The following DPP8 variants were observed in gnomAD, a reference collection of about 807,000 sequenced individuals.
The protein encoded by DPP8 is DPP VIII.
In DPP8, 31 loss-of-function variants were observed where a neutral mutation model predicts 107.5. The ratio of observed to expected loss-of-function variants is 0.29; its 90% CI spans 0.22 to 0.39. DPP8 has a LOEUF of 0.39. Among genes scored for constraint, DPP8 ranks in the 10% least tolerant of loss-of-function variants. The pLI is 1.00. For missense variants in DPP8, 842 were observed against 1,076.1 expected (o/e 0.78, Z 3.04); for synonymous variants, 381 against 356.6 (o/e 1.07, Z -0.77).
intron 12 of DPP8, among the ~76,000 whole-genome samples, chr15:65,471,370 C>T (rs375541526): frequency 6.6e-6 from 1 of 152,024 alleles, no homozygotes; most frequent in African/African-American, 2.4e-5. Flanking sequence ...TGTTTTGAGG[C>T]GGGTATCATT....
intron 1 of DPP8, among the ~76,000 whole-genome samples, chr15:65,515,466 T>C (rs1284426901): frequency 6.6e-6 from 1 of 152,170 alleles, no homozygotes; most frequent in Non-Finnish European, 1.5e-5. Flanking sequence ...TTATATAATA[T>C]TGGTAATCTG....
chr15:65,501,378 A>G (rs1323114194), intron 3 of DPP8, among the ~76,000 whole-genome samples: 2 of 152,230 alleles, frequency 1.3e-5, no homozygotes, highest in Non-Finnish European at 2.9e-5. Context: ...AAGACTTTCT[A>G]CAACTTAACT....
At chr15:65,493,229 G>A (rs1049328148) in intron 5 of DPP8, among the ~76,000 whole-genome samples, 1 of 151,966 alleles carries the variant, frequency 6.6e-6, no homozygotes, top group Non-Finnish European at 1.5e-5. Context: ...GATTACAGGC[G>A]TGTGCCACCA....
intron 19 of DPP8, 115 bp from the exon 20 acceptor site, chr15:65,447,121 A>G: frequency 1.4e-6 from 1 of 699,616 alleles, no homozygotes; most frequent in Non-Finnish European, 2.2e-6. Flanking sequence ...CACAGCCTCT[A>G]TGCAATATTG....
At chr15:65,483,762 A>G (rs1359544048) in intron 8 of DPP8, among the ~76,000 whole-genome samples, 2 of 152,174 alleles carry the variant, frequency 1.3e-5, no homozygotes, top group African/African-American at 4.8e-5. Context: ...ATAAGCCCAC[A>G]CAAAAACTTG....
Position 65,449,773 on chromosome 15 carries a change from A to G in DPP8, c.2526+1226T>C, listed in dbSNP as rs574310354. Among the ~76,000 whole-genome samples the G allele has an allele frequency of 1.4e-3, 214 of 152,286 alleles. 3 individuals are homozygous for G. The South Asian group carries it at 0.024, about 17-fold the overall frequency. On this transcript the variant is annotated intron_variant, in intron 19 of 19. Transcript: ENST00000300141. ...CTTCACATACTTTAGTCGAAACAAC[A>G]TATCACAACAGACTGAGTACAGAAA... is the stretch of plus-strand genomic sequence containing the variant.
chr15:65,498,093 C>G lies in DPP8; in HGVS notation c.547-61G>C, dbSNP rs971201114. On this transcript the variant is annotated intron_variant, in intron 4 of 19. Coordinates refer to ENST00000300141, the MANE Select transcript of DPP8 (RefSeq NM_130434.5). ...GGCTGACACATACATGTTCCAGCAC[C>G]CTTCCTATAAGATGAACAATATTTC... is the stretch of plus-strand genomic sequence containing the variant. The G allele has an allele frequency of 5.7e-6, 7 of 1,232,384 alleles. No individual in the cohort carries two copies. In the South Asian group the frequency reaches 9.5e-5, roughly 17 times the overall value. 76.3% of individuals were successfully genotyped at this position (1,232,384 alleles called of 1,614,324 possible).
chr15:65,475,666 GA>G, intron 11 of DPP8: 1 of 677,172 alleles, frequency 1.5e-6, no homozygotes, highest in Non-Finnish European at 2.5e-6. Context: ...ACTCACAAAA[GA>G]AAATGTTTAA....
intron 13 of DPP8, 32 bp from the exon 14 acceptor site, chr15:65,466,845 T>A (rs2065402287): frequency 6.2e-7 from 1 of 1,601,122 alleles, no homozygotes; most frequent in African/African-American, 1.3e-5. Flanking sequence ...ATATTTTTCG[T>A]CAGGAAGGTA....
chr15:65,452,907 G>A (rs1329008123), intron 17 of DPP8, among the ~76,000 whole-genome samples: 2 of 152,112 alleles, frequency 1.3e-5, no homozygotes, highest in South Asian at 4.1e-4. Context: ...GAGAGGCGGA[G>A]GTTGCAGTGA....
intron 5 of DPP8, among the ~76,000 whole-genome samples, chr15:65,497,400 A>G (rs951896833): frequency 4.6e-5 from 7 of 152,020 alleles, no homozygotes; most frequent in Admixed American, 2.0e-4. Context: ...GGGACTACAC[A>G]TGCCACTACG....
At chr15:65,464,384 A>T (rs561711530) in intron 14 of DPP8, among the ~76,000 whole-genome samples, 34 of 150,894 alleles carry the variant, frequency 2.3e-4, no homozygotes, top group African/African-American at 3.2e-4. Flanking sequence ...TAAATAATTT[A>T]AAAAAAACAA....
chr15:65,447,103 A>G (rs530114190), intron 19 of DPP8, 97 bp from the exon 20 acceptor site: 2 of 909,804 alleles, frequency 2.2e-6, no homozygotes, highest in South Asian at 1.8e-5. Context: ...AGGATTAATA[A>G]TACGAAGCAC....
intron 17 of DPP8, among the ~76,000 whole-genome samples, chr15:65,452,946 G>A (rs971474838): frequency 1.3e-5 from 2 of 152,006 alleles, no homozygotes; most frequent in African/African-American, 4.8e-5. Flanking sequence ...ATTCCAGCCT[G>A]GGTGACAGCA....
chr15:65,456,430 G>C, intron 15 of DPP8, 59 bp from the exon 16 acceptor site: 19 of 1,493,290 alleles, frequency 1.3e-5, no homozygotes, highest in Non-Finnish European at 1.7e-5. Flanking sequence ...CCCAAGAGCG[G>C]CTGGGCATTG....
chr15:65,455,445 T>C (rs970475546), intron 16 of DPP8: 3 of 203,102 alleles, frequency 1.5e-5, no homozygotes. Flanking sequence ...ACTTCTCCTT[T>C]TTAATTTTTA....
intron 5 of DPP8, among the ~76,000 whole-genome samples, chr15:65,491,258 T>C (rs375679174): frequency 6.6e-6 from 1 of 152,070 alleles, no homozygotes; most frequent in Non-Finnish European, 1.5e-5. Context: ...ATTTATACTG[T>C]GATTCCATTT....
At chr15:65,503,485 A>C (rs2069505522) in intron 3 of DPP8, among the ~76,000 whole-genome samples, 1 of 149,984 alleles carries the variant, frequency 6.7e-6, no homozygotes, top group Non-Finnish European at 1.5e-5. Context: ...TGGTCACCCT[A>C]GCTGGAGTGC....
intron 1 of DPP8, chr15:65,515,833 T>G: frequency 1.3e-6 from 1 of 756,860 alleles, no homozygotes; most frequent in Non-Finnish European, 2.1e-6. Flanking sequence ...CTTTGATCAT[T>G]AAGATGGACC....
Sources: allele counts gnomAD v4.1 joint callset (sites outside exome capture counted in the v4.1 genomes callset), GRCh38; gene constraint gnomAD v4.1.1; transcripts MANE v1.5; gene names NCBI Gene and HGNC (gene_info 2026-07-23, HGNC 2026-07-21).